Variants in OPCML observed in about 807,000 individuals in gnomAD.
OPCML encodes the protein opioid-binding protein/cell adhesion molecule.
A neutral mutation model predicts 37.8 loss-of-function variants in OPCML; 13 were observed. That is an observed-to-expected ratio of 0.34 (90% CI 0.22 to 0.55). The LOEUF (loss-of-function observed/expected upper bound fraction) is 0.55. OPCML is among the 20% of genes least tolerant of loss of function. The pLI is 0.91. For missense variants in OPCML, 341 were observed against 435.6 expected, an observed-to-expected ratio of 0.78 and a Z score of 1.93; for synonymous variants, 176 against 168.8, an observed-to-expected ratio of 1.04 and a Z score of -0.33.
chr11:133,026,222 G>A (rs1221959460), intron 1 of OPCML: 1 of 668,954 alleles, frequency 1.5e-6, no homozygotes. Flanking sequence ...AGCCAGGTTA[G>A]AGAAGTCAGT....
chr11:133,029,696 A>G (rs1184778320), intron 1 of OPCML, among the ~76,000 whole-genome samples: 1 of 152,070 alleles, frequency 6.6e-6, no homozygotes, highest in African/African-American at 2.4e-5. Flanking sequence ...AAAAACGGGA[A>G]CAATAGACTC....
At chr11:132,724,881 A>G (rs1944820625) in intron 2 of OPCML, among the ~76,000 whole-genome samples, 1 of 152,222 alleles carries the variant, frequency 6.6e-6, no homozygotes, top group African/African-American at 2.4e-5. Context: ...CTTTGACTCC[A>G]GGTCTCACAT....
intron 3 of OPCML, among the ~76,000 whole-genome samples, chr11:132,570,779 A>T (rs1412445739): frequency 2.6e-5 from 3 of 117,534 alleles, no homozygotes; most frequent in African/African-American, 9.9e-5. Context: ...ATATATATAT[A>T]TATATATATA....
At chr11:132,543,705 G>C (rs1468040950) in intron 3 of OPCML, among the ~76,000 whole-genome samples, 1 of 151,912 alleles carries the variant, frequency 6.6e-6, no homozygotes, top group Non-Finnish European at 1.5e-5. Context: ...CACAGTAATG[G>C]TTCTTTATAA....
intron 1 of OPCML, among the ~76,000 whole-genome samples, chr11:133,003,569 T>G (rs1394562939): frequency 6.6e-6 from 1 of 152,192 alleles, no homozygotes; most frequent in Non-Finnish European, 1.5e-5. Context: ...GTTATAAACA[T>G]TCGCAAGTTC....
intron 1 of OPCML, among the ~76,000 whole-genome samples, chr11:133,096,532 C>T (rs1400033222): frequency 6.6e-6 from 1 of 151,980 alleles, no homozygotes; most frequent in African/African-American, 2.4e-5. Flanking sequence ...GTTAATCCAA[C>T]TGTCAATAAG....
At chr11:132,775,111 G>A (rs1330331880) in intron 2 of OPCML, among the ~76,000 whole-genome samples, 1 of 152,136 alleles carries the variant, frequency 6.6e-6, no homozygotes, top group Non-Finnish European at 1.5e-5. Context: ...AATTTAATCA[G>A]CTGACTTGCT....
chr11:132,614,377 T>G (rs1784508), intron 3 of OPCML, among the ~76,000 whole-genome samples: 40,863 of 152,116 alleles, frequency 0.27, 6,559 homozygotes, highest in East Asian at 0.66. Flanking sequence ...TCTAGCCAAC[T>G]CTTCGTTTAA....
chr11:133,452,123 A>G (rs1349199746), intron 1 of OPCML, among the ~76,000 whole-genome samples: 1 of 151,752 alleles, frequency 6.6e-6, no homozygotes, highest in Non-Finnish European at 1.5e-5. Context: ...AAACAGGAAA[A>G]TGTGACCCAT....
intron 2 of OPCML, among the ~76,000 whole-genome samples, chr11:132,830,067 C>T (rs1025785829): frequency 2.0e-5 from 3 of 152,052 alleles, no homozygotes; most frequent in Non-Finnish European, 2.9e-5. Flanking sequence ...TTGCAATAGC[C>T]GAATAGAATC....
chr11:133,435,912 G>C (rs1050149714), intron 1 of OPCML, among the ~76,000 whole-genome samples: 1 of 152,310 alleles, frequency 6.6e-6, no homozygotes, highest in East Asian at 1.9e-4. Context: ...TCTAATTTCA[G>C]CTGCTCACAT....
Position 133,204,868 on chromosome 11 carries a change from G to GTATATATA in OPCML, c.62-261866_62-261859dup, listed in dbSNP as rs57658806. Among the ~76,000 whole-genome samples, 601 of 116,706 alleles carry GTATATATA rather than the reference G, an allele frequency of 5.1e-3. 10 individuals are homozygous for GTATATATA. The highest frequency in any genetic ancestry group is 0.014 in the East Asian group (23 of 1,630). The allele number at this position is 116,706 out of a possible 152,430, so 76.6% of individuals were successfully genotyped here. A position where few individuals can be genotyped will look rare whatever the true frequency, so the allele number is the denominator to read the frequency against. Reference sequence around the variant, plus strand: ...TGATCTATTATATATATATATATGTGTATATATATATATATATATATATAT... The same window carrying GTATATATA: ...TGATCTATTATATATATATATATGTGTATATATATATATATATATATATATATATATAT... On this transcript the variant is annotated intron_variant, in intron 1 of 7. Coordinates refer to ENST00000524381, the MANE Select transcript of OPCML (RefSeq NM_001012393.5).
At chr11:132,477,819 C>A (rs1436079351) in intron 4 of OPCML, among the ~76,000 whole-genome samples, 2 of 152,084 alleles carry the variant, frequency 1.3e-5, no homozygotes, top group Non-Finnish European at 2.9e-5. Context: ...TACCTGTCTA[C>A]TTATTTTTTA....
At position 132,943,053 on chromosome 11, in the gene OPCML, G is replaced by C; in HGVS notation, c.62-43C>G. ...AGCAGCCTGAGAGACACGACCACGA[G>C]GCACTTCCAGGGCAGGAACAGGTAC... On this transcript the variant is annotated intron_variant, in intron 1 of 7. Transcript: ENST00000524381. This position sits in a 1 kb window ranked among gnomAD's most constrained non-coding sequence, Gnocchi z 4.3. The C allele has an allele frequency of 1.9e-6, 3 of 1,614,144 alleles. No homozygotes were observed. Among genetic ancestry groups the C allele is most frequent in the Non-Finnish European group, 2.5e-6 (3 of 1,180,004 alleles).
intron 3 of OPCML, among the ~76,000 whole-genome samples, chr11:132,645,551 C>T (rs1393061762): frequency 6.6e-6 from 1 of 152,172 alleles, no homozygotes; most frequent in Admixed American, 6.5e-5. Flanking sequence ...ATGGAGCCAC[C>T]TCCTCTGGCT....
At position 133,142,857 on chromosome 11, in the gene OPCML, C is replaced by G. The variant is rs1949844594; in HGVS notation, c.62-199847G>C. On this transcript the variant is annotated intron_variant, in intron 1 of 7. Coordinates refer to ENST00000524381, the MANE Select transcript of OPCML (RefSeq NM_001012393.5). Reference sequence around the variant, plus strand: ...GGACTATGAGAAGGCACTTGGAGGTCTCTGCCCATACAACACAGTCTGGGC... The same window carrying G: ...GGACTATGAGAAGGCACTTGGAGGTGTCTGCCCATACAACACAGTCTGGGC... Among the ~76,000 whole-genome samples, 3 of 152,018 alleles carry G rather than the reference C, an allele frequency of 2.0e-5. No homozygotes were observed. The South Asian group carries it at 6.2e-4, about 32-fold the overall frequency.
rs113585731 is a variant in OPCML at position 132,831,027 on chromosome 11, T to C, written c.146+111899A>G. ...ATCAAATTTCTCCCACCTGCTTTTT[T>C]TTTTCTTATAACTGAGCTACCGTCA... On this transcript the variant is annotated intron_variant, in intron 2 of 7. Coordinates refer to ENST00000524381, the MANE Select transcript of OPCML (RefSeq NM_001012393.5). Among the ~76,000 whole-genome samples, 249 of 152,262 alleles carry C rather than the reference T, an allele frequency of 1.6e-3. 1 individual carries two copies. Among genetic ancestry groups the C allele is most frequent in the African/African-American group, 5.7e-3 (236 of 41,568 alleles).
chr11:133,130,377 A>G (rs1020733407), intron 1 of OPCML, among the ~76,000 whole-genome samples: 2 of 152,172 alleles, frequency 1.3e-5, no homozygotes, highest in Non-Finnish European at 2.9e-5. Context: ...GAACATAAAA[A>G]ATGTTTTTAG....
intron 1 of OPCML, among the ~76,000 whole-genome samples, chr11:133,246,056 C>A (rs1458905995): frequency 2.6e-5 from 2 of 75,488 alleles, no homozygotes; most frequent in African/African-American, 9.3e-5. Flanking sequence ...GCAGCAACCG[C>A]CATGGCACAT....
Sources: gnomAD v4.1 joint callset for allele counts (sites outside exome capture counted in the v4.1 genomes callset) on GRCh38, gnomAD v4.1.1 for gene constraint, Gnocchi (gnomAD v3.1) non-coding constraint, MANE v1.5 for transcripts, NCBI Gene and HGNC (gene_info 2026-07-23, HGNC 2026-07-21) for gene names.